The following ACTN2 variants were observed in gnomAD, a reference collection of about 807,000 sequenced individuals.
The protein encoded by ACTN2 is alpha-actinin-2.
A neutral mutation model predicts 113.8 loss-of-function variants in ACTN2; 39 were observed. The observed-to-expected ratio is 0.34, with a 90% CI of 0.27 to 0.45. The LOEUF is 0.45. ACTN2 is among the 20% of genes least tolerant of loss of function. The pLI, the probability that ACTN2 is intolerant of heterozygous loss-of-function variation, is 1.00. For missense variants in ACTN2, 992 were observed against 1,177.9 expected (o/e 0.84, Z 2.31); for synonymous variants, 429 against 444.1 (o/e 0.97, Z 0.43).
chr1:236,758,318 G>A (rs552270718), intron 18 of ACTN2, among the ~76,000 whole-genome samples: 8 of 140,364 alleles, frequency 5.7e-5, no homozygotes, highest in African/African-American at 1.8e-4. Context: ...ACGGAGTCTC[G>A]CTCTGTCACC....
In ACTN2 at chr1:236,699,474, C is replaced by T. The variant is rs537287881; in HGVS notation, c.126+12675C>T. Among the ~76,000 whole-genome samples the T allele has an allele frequency of 2.6e-5, 4 of 152,228 alleles. No individual in the cohort carries two copies. The South Asian group carries it at 8.3e-4, about 32-fold the overall frequency. ...TAAACTTCTTGAGAGTTTTAGGGGC[C>T]GTCCCATGAAGGGCACATTATCGGA... On this transcript the variant is annotated intron_variant, in intron 1 of 20. Transcript: ENST00000366578.
rs1398504608 is a variant in ACTN2, at chr1:236,751,554, G to A, written c.1741G>A (p.Glu581Lys). 12 of 1,614,100 alleles carry A rather than the reference G, an allele frequency of 7.4e-6. No individual in the cohort carries two copies. The highest frequency in any genetic ancestry group is 1.0e-5 in the Non-Finnish European group (12 of 1,179,988). The change falls in exon 15 of 21, where the codon GAG becomes AAG. Residue 581 changes from glutamate to lysine, a missense_variant. Physicochemically the swap from Glu to Lys is moderately conservative, Grantham distance 56 (BLOSUM62 1). Around this residue, in one of 3 missense-constraint regions of ACTN2, gnomAD observed 736 missense variants for 815.4 expected, o/e 0.90. Coordinates refer to ENST00000366578, the MANE Select transcript of ACTN2 (RefSeq NM_001103.4). ...ERQSIMAIQN[E>K]VEKVIQSYNI... ...GCAGTCCATCATGGCCATCCAGAAC[G>A]AGGTGGAGAAGGTGATTCAGAGCTA...
At chr1:236,718,841 G>T (rs181799482) in intron 2 of ACTN2, 53 bp from the exon 3 acceptor site, 5 of 1,613,026 alleles carry the variant, frequency 3.1e-6, no homozygotes, top group Admixed American at 1.7e-5. Flanking sequence ...TCTTGATTCC[G>T]CATCAAGAGG....
chr1:236,747,348 A>G (rs934430714), intron 12 of ACTN2, among the ~76,000 whole-genome samples: 4 of 152,148 alleles, frequency 2.6e-5, no homozygotes, highest in African/African-American at 9.7e-5. Flanking sequence ...TATTTCTTTT[A>G]TGTGTATAAA....
intron 1 of ACTN2, among the ~76,000 whole-genome samples, chr1:236,693,208 CACACACAG>C (rs1657341295): frequency 8.4e-6 from 1 of 119,416 alleles, no homozygotes; most frequent in African/African-American, 2.8e-5. Flanking sequence ...CACACACACA[CACACACAG>C]AGTTTTCTAG....
chr1:236,730,138 C>T (rs890474412), intron 6 of ACTN2, among the ~76,000 whole-genome samples: 3 of 152,194 alleles, frequency 2.0e-5, no homozygotes, highest in Admixed American at 6.5e-5. Flanking sequence ...TACCAGAGGC[C>T]ACATGGCCGA....
chr1:236,725,046 T>C (rs1187428367), intron 4 of ACTN2, among the ~76,000 whole-genome samples: 1 of 152,162 alleles, frequency 6.6e-6, no homozygotes, highest in Non-Finnish European at 1.5e-5. Flanking sequence ...GTTTATTTTT[T>C]CATGTGAGTT....
chr1:236,748,705 C>A (rs1460108109), intron 13 of ACTN2, among the ~76,000 whole-genome samples: 2 of 152,182 alleles, frequency 1.3e-5, no homozygotes, highest in Admixed American at 1.3e-4. Context: ...GGGAAAGGCA[C>A]ACAACTTCTC....
intron 1 of ACTN2, among the ~76,000 whole-genome samples, chr1:236,691,178 T>C (rs1666070024): frequency 6.6e-6 from 1 of 151,718 alleles, no homozygotes; most frequent in South Asian, 2.1e-4. Flanking sequence ...CTCCTGACCT[T>C]GTGATCTGCC....
Position 236,748,458 on chromosome 1 carries a change from T to C in ACTN2, c.1516-666T>C, listed in dbSNP as rs1024215192. ...CATGTAACAGAGACAGCACAAAACATTTTAGAACAGGAGGGAAAAATGAAC... is the reference window on the plus strand; with the variant it reads ...CATGTAACAGAGACAGCACAAAACACTTTAGAACAGGAGGGAAAAATGAAC... On this transcript the variant is annotated intron_variant, in intron 13 of 20. Transcript: ENST00000366578. 4.6e-5 allele frequency among the ~76,000 whole-genome samples: 7 copies of C among 152,104 alleles called. No individual in the cohort carries two copies. The East Asian group carries it at 1.3e-3, about 29-fold the overall frequency.
chr1:236,719,028 G>T lies in ACTN2; in HGVS notation c.361+15G>T, dbSNP rs986321378. On this transcript the variant is annotated intron_variant, in intron 3 of 20. Coordinates refer to ENST00000366578, the MANE Select transcript of ACTN2 (RefSeq NM_001103.4). ...TGGCGCTGAAGGTGAGAGGTGTGGT[G>T]GGTGGTCCTGTCTGCCACACTGACC... 1 of 1,613,534 alleles carries T rather than the reference G, an allele frequency of 6.2e-7. No homozygotes were observed. The highest frequency in any genetic ancestry group is 1.7e-4 in the Middle Eastern group (1 of 5,826).
chr1:236,704,712 C>T (rs555889065), intron 1 of ACTN2, among the ~76,000 whole-genome samples: 1 of 152,272 alleles, frequency 6.6e-6, no homozygotes, highest in East Asian at 1.9e-4. Flanking sequence ...TATGCCCTCC[C>T]CAGCAGGTCG....
At chr1:236,727,130 C>A (rs1321177075) in intron 5 of ACTN2, among the ~76,000 whole-genome samples, 5 of 152,018 alleles carry the variant, frequency 3.3e-5, no homozygotes, top group African/African-American at 1.2e-4. Flanking sequence ...AACATCTGCC[C>A]TGCTAATTGC....
intron 1 of ACTN2, among the ~76,000 whole-genome samples, chr1:236,696,224 T>G (rs1254006497): frequency 6.6e-6 from 1 of 151,384 alleles, no homozygotes; most frequent in African/African-American, 2.4e-5. Context: ...GGAGACTCAT[T>G]GGAATTGGAG....
At chr1:236,740,980 G>T (rs1659051136) in intron 10 of ACTN2, among the ~76,000 whole-genome samples, 1 of 152,144 alleles carries the variant, frequency 6.6e-6, no homozygotes, top group Non-Finnish European at 1.5e-5. Flanking sequence ...TCTCAGGCTT[G>T]GTGCTGAGCC....
At chr1:236,712,026 C>T (rs965806753) in intron 1 of ACTN2, among the ~76,000 whole-genome samples, 1 of 152,204 alleles carries the variant, frequency 6.6e-6, no homozygotes, top group Admixed American at 6.5e-5. Context: ...GAGCCTGCCT[C>T]CAGAATTGCA....
At chr1:236,703,894 G>A (rs1195993129) in intron 1 of ACTN2, among the ~76,000 whole-genome samples, 2 of 152,008 alleles carry the variant, frequency 1.3e-5, no homozygotes, top group Non-Finnish European at 2.9e-5. Context: ...TCCTGCAAAT[G>A]GTAATAAAAT....
Position 236,763,745 on chromosome 1 carries a change from T to C in ACTN2, c.*1126T>C, listed in dbSNP as rs1354160356. The C allele has an allele frequency of 6.6e-6, 1 of 152,216 alleles. No individual in the cohort carries two copies. Among genetic ancestry groups the C allele is most frequent in the East Asian group, 1.9e-4 (1 of 5,192 alleles). 9.4% of individuals were successfully genotyped at this position (152,216 alleles called of 1,614,324 possible). Reference sequence around the variant, plus strand: ...TGTGTTCACCCCTGGGATTGGACAGTGTATCCTAACAAGTCCCATGTCTGG... The same window carrying C: ...TGTGTTCACCCCTGGGATTGGACAGCGTATCCTAACAAGTCCCATGTCTGG... On this transcript the variant is annotated 3_prime_UTR_variant, in exon 21 of 21. Coordinates refer to ENST00000366578, the MANE Select transcript of ACTN2 (RefSeq NM_001103.4).
At chr1:236,731,940 C>G (rs1255099414) in intron 7 of ACTN2, among the ~76,000 whole-genome samples, 1 of 152,198 alleles carries the variant, frequency 6.6e-6, no homozygotes. Flanking sequence ...TTTGTGTGAG[C>G]TGTACCTACA....
Sources: gnomAD v4.1 joint callset for allele counts (sites outside exome capture counted in the v4.1 genomes callset) on GRCh38, gnomAD v4.1.1 for gene constraint, gnomAD v4.1.1 regional missense constraint, MANE v1.5 for transcripts, NCBI Gene and HGNC (gene_info 2026-07-23, HGNC 2026-07-21) for gene names.